The following ROR2 variants were observed in gnomAD, a reference collection of about 807,000 sequenced individuals.
ROR2 encodes the protein ROR family WNT receptor 2, also known as tyrosine-protein kinase transmembrane receptor ROR2.
ROR2 carries 33 observed loss-of-function variants against 74.9 expected under a neutral mutation model. That is an observed-to-expected ratio of 0.44 (90% CI 0.33 to 0.59). The LOEUF (loss-of-function observed/expected upper bound fraction) is 0.59. Among genes scored for constraint, ROR2 ranks in the 20% least tolerant of loss-of-function variants. The pLI, the probability that ROR2 is intolerant of heterozygous loss-of-function variation, is 0.02. For synonymous variants in ROR2, 586 were observed against 558.7 expected (o/e 1.05, Z -0.69); for missense variants, 1,216 against 1,313.8 (o/e 0.93, Z 1.15).
intron 4 of ROR2, among the ~76,000 whole-genome samples, chr9:91,755,457 G>T (rs1409611628): frequency 6.6e-6 from 1 of 152,250 alleles, no homozygotes; most frequent in Non-Finnish European, 1.5e-5. Flanking sequence ...GCACTCCTCT[G>T]GGTACACGAT....
chr9:91,889,600 A>G (rs1830375536), intron 1 of ROR2, among the ~76,000 whole-genome samples: 1 of 152,140 alleles, frequency 6.6e-6, no homozygotes, highest in Non-Finnish European at 1.5e-5. Context: ...GAAGACCACT[A>G]CGGTCCCTTC....
At chr9:91,884,633 A>G (rs1425611587) in intron 1 of ROR2, among the ~76,000 whole-genome samples, 1 of 152,112 alleles carries the variant, frequency 6.6e-6, no homozygotes, top group African/African-American at 2.4e-5. Flanking sequence ...TGATCTGACG[A>G]TATCTGACAA....
intron 1 of ROR2, among the ~76,000 whole-genome samples, chr9:91,908,010 T>C (rs919543335): frequency 7.9e-5 from 12 of 152,218 alleles, no homozygotes; most frequent in African/African-American, 2.7e-4. Flanking sequence ...ATGACACTAA[T>C]TGTTGTGGGA....
chr9:91,850,170 A>G (rs1023390167), intron 1 of ROR2, among the ~76,000 whole-genome samples: 3 of 152,176 alleles, frequency 2.0e-5, no homozygotes, highest in African/African-American at 7.2e-5. Flanking sequence ...GGATGTGGTA[A>G]TCTATACTCC....
At chr9:91,922,443 T>C (rs1831294389) in intron 1 of ROR2, among the ~76,000 whole-genome samples, 1 of 151,678 alleles carries the variant, frequency 6.6e-6, no homozygotes, top group Non-Finnish European at 1.5e-5. Context: ...GTTGTTCTAC[T>C]TAAATAATTT....
intron 1 of ROR2, among the ~76,000 whole-genome samples, chr9:91,865,916 T>C (rs1466709606): frequency 6.6e-6 from 1 of 152,222 alleles, no homozygotes; most frequent in Non-Finnish European, 1.5e-5. Flanking sequence ...GACTCTAACA[T>C]GGGATGTTAT....
intron 2 of ROR2, among the ~76,000 whole-genome samples, chr9:91,757,830 T>C (rs1825810262): frequency 6.6e-6 from 1 of 152,150 alleles, no homozygotes; most frequent in Admixed American, 6.5e-5. Flanking sequence ...ATACATAACC[T>C]TGGTTTATGT....
chr9:91,882,770 C>CA (rs1830153617), intron 1 of ROR2, among the ~76,000 whole-genome samples: 1 of 152,106 alleles, frequency 6.6e-6, no homozygotes, highest in African/African-American at 2.4e-5. Context: ...GATGAGGACT[C>CA]AGACACAGAG....
intron 1 of ROR2, among the ~76,000 whole-genome samples, chr9:91,910,479 G>C (rs1178908280): frequency 6.6e-6 from 1 of 152,072 alleles, no homozygotes; most frequent in East Asian, 1.9e-4. Context: ...AGACAAACTG[G>C]ACTACATCAA....
intron 1 of ROR2, among the ~76,000 whole-genome samples, chr9:91,930,483 T>C (rs555688204): frequency 6.6e-6 from 1 of 152,340 alleles, no homozygotes; most frequent in East Asian, 1.9e-4. Context: ...CCTTCTCTCC[T>C]TTGTTCAGTG....
intron 1 of ROR2, among the ~76,000 whole-genome samples, chr9:91,843,090 AG>A (rs1157697479): frequency 6.6e-6 from 1 of 152,278 alleles, no homozygotes; most frequent in African/African-American, 2.4e-5. Flanking sequence ...AAAAACCCAC[AG>A]AGAATGTGTT....
Position 91,780,689 on chromosome 9 carries a change from G to C in ROR2, c.98-4871C>G, listed in dbSNP as rs111830073. ...GCCTGTAATCCCAGCTACTTGGGAG[G>C]CTGAGGCAGGAGAATCACTTGAATC... On this transcript the variant is annotated intron_variant, in intron 1 of 8. Coordinates refer to ENST00000375708, the MANE Select transcript of ROR2 (RefSeq NM_004560.4). 7.2e-5 allele frequency among the ~76,000 whole-genome samples: 11 copies of C among 152,320 alleles called. 2 individuals carry two copies. The highest frequency in any genetic ancestry group is 2.6e-4 in the African/African-American group (11 of 41,564).
At chr9:91,882,664 G>T (rs577961661) in intron 1 of ROR2, among the ~76,000 whole-genome samples, 3 of 152,280 alleles carry the variant, frequency 2.0e-5, no homozygotes, top group African/African-American at 7.2e-5. Context: ...AAATATGACT[G>T]TGTTTGGGGA....
intron 1 of ROR2, among the ~76,000 whole-genome samples, chr9:91,812,129 G>T (rs144914351): frequency 1.3e-5 from 2 of 151,540 alleles, no homozygotes; most frequent in East Asian, 3.9e-4. Context: ...CACATTCAAA[G>T]CTATCCTTGG....
At position 91,724,084 on chromosome 9, in the gene ROR2, T is replaced by C. The variant is rs756827949; in HGVS notation, c.2410A>G (p.Met804Val). Residue 804 changes from methionine (M) to valine (V), a missense_variant, in exon 9 of 9, where the codon ATG becomes GTG. Physicochemically the swap from Met to Val is conservative, Grantham distance 21. Coordinates refer to ENST00000375708, the MANE Select transcript of ROR2 (RefSeq NM_004560.4). Reference protein sequence around the residue: ...PPFPQPQFIPMKGQIRPMVPP... With the variant: ...PPFPQPQFIPVKGQIRPMVPP... ...ACCATGGGTCTGATCTGGCCCTTCA[T>C]GGGGATGAACTGGGGCTGTGGGAAG... 1.2e-6 allele frequency: 2 copies of C among 1,611,174 alleles called. No individual in the cohort carries two copies. The highest frequency in any genetic ancestry group is 1.1e-5 in the South Asian group (1 of 91,054).
At chr9:91,728,731 T>C (rs1383428125) in intron 7 of ROR2, among the ~76,000 whole-genome samples, 1 of 152,228 alleles carries the variant, frequency 6.6e-6, no homozygotes, top group Non-Finnish European at 1.5e-5. Context: ...ACACCCGGCC[T>C]AAATGAACTT....
rs1406800072 is a variant in ROR2 at position 91,733,544 on chromosome 9, T to G, written c.623-108A>C. The G allele has an allele frequency of 1.7e-5, 20 of 1,160,654 alleles. No individual in the cohort carries two copies. Among genetic ancestry groups the G allele is most frequent in the Middle Eastern group, 2.7e-4 (1 of 3,698 alleles). 71.9% of individuals were successfully genotyped at this position (1,160,654 alleles called of 1,614,324 possible). On this transcript the variant is annotated intron_variant, in intron 5 of 8. Transcript: ENST00000375708. The surrounding 1 kb of genome is among the most constrained non-coding windows in gnomAD (Gnocchi z 5.7). The stretch of plus-strand genomic sequence containing the variant: ...ATCCCAGACTGCCCACTCAGCCCCC[T>G]GATGCCCCGCCCCGCCCCAGACTCC...
At chr9:91,812,532 A>G (rs1340048361) in intron 1 of ROR2, among the ~76,000 whole-genome samples, 1 of 150,276 alleles carries the variant, frequency 6.7e-6, no homozygotes, top group Non-Finnish European at 1.5e-5. Flanking sequence ...GGTCAGGCAC[A>G]CACGTGTGTG....
chr9:91,734,192 G>T (rs1272765217), intron 5 of ROR2, among the ~76,000 whole-genome samples: 1 of 152,168 alleles, frequency 6.6e-6, no homozygotes. Context: ...GGGGTGCATG[G>T]CTGGACACTG....
Sources: gnomAD v4.1 joint callset for allele counts (sites outside exome capture counted in the v4.1 genomes callset) on GRCh38, gnomAD v4.1.1 for gene constraint, Gnocchi (gnomAD v3.1) non-coding constraint, MANE v1.5 for transcripts, NCBI Gene and HGNC (gene_info 2026-07-23, HGNC 2026-07-21) for gene names.